Variants in KDM6A observed in about 807,000 individuals in gnomAD.
The protein encoded by KDM6A is lysine-specific demethylase 6A.
A neutral mutation model predicts 117.6 loss-of-function variants in KDM6A; 11 were observed. That is an observed-to-expected ratio of 0.09 (90% confidence interval 0.06 to 0.15). The LOEUF is 0.15. KDM6A is among the 10% of genes least tolerant of loss of function. The probability of loss-of-function intolerance (pLI) is 1.00; values close to 1 mark genes in which losing one functional copy is unlikely to be tolerated. For missense variants in KDM6A, 799 were observed against 1,077.3 expected, an observed-to-expected ratio of 0.74 and a Z score of 3.62; for synonymous variants, 384 against 396.1, an observed-to-expected ratio of 0.97 and a Z score of 0.36.
chrX:45,062,292 G>A (rs1404359246), intron 15 of KDM6A, among the ~76,000 whole-genome samples: 3 of 111,838 alleles, frequency 2.7e-5, no homozygotes, highest in Non-Finnish European at 5.6e-5. Flanking sequence ...GTTGTCTTCA[G>A]ACTTTGCTTA....
intron 8 of KDM6A, among the ~76,000 whole-genome samples, chrX:45,040,757 T>C (rs1412918799): frequency 3.4e-5 from 2 of 58,491 alleles, no homozygotes; most frequent in African/African-American, 1.5e-4. Flanking sequence ...ATGGGGCGGC[T>C]GGCCGGGCGG....
intron 24 of KDM6A, among the ~76,000 whole-genome samples, chrX:45,083,863 T>C (rs2148157401): frequency 9.0e-6 from 1 of 111,705 alleles, no homozygotes; most frequent in Admixed American, 9.5e-5. Context: ...ATAAGTTCTT[T>C]TGGCCTGAAG....
chrX:44,885,740 C>T (rs1051903162), intron 2 of KDM6A, among the ~76,000 whole-genome samples: 3 of 109,536 alleles, frequency 2.7e-5, no homozygotes, highest in Admixed American at 9.8e-5. Context: ...GGCATGGTGG[C>T]GGGCGCCTGT....
chrX:45,066,203 G>A (rs183339285), intron 17 of KDM6A, among the ~76,000 whole-genome samples: 80 of 112,015 alleles, frequency 7.1e-4, no homozygotes, highest in African/African-American at 2.6e-3. Flanking sequence ...GGGTGCAAAA[G>A]CCTAATTGTA....
chrX:44,969,162 A>T, intron 3 of KDM6A, among the ~76,000 whole-genome samples: 1 of 110,577 alleles, frequency 9.0e-6, no homozygotes. Context: ...GTTTCTTCAT[A>T]TTTTTGAGCT....
chrX:44,976,478 G>A (rs1391973749), intron 4 of KDM6A, among the ~76,000 whole-genome samples: 2 of 111,122 alleles, frequency 1.8e-5, no homozygotes, highest in African/African-American at 6.5e-5. Flanking sequence ...AAATGATAAA[G>A]TATTTGTATA....
chrX:45,013,154 T>A (rs2041836994), intron 5 of KDM6A, among the ~76,000 whole-genome samples: 1 of 111,704 alleles, frequency 9.0e-6, no homozygotes, highest in South Asian at 3.8e-4. Context: ...TGTGTGTTAG[T>A]CAGTATTACA....
At chrX:44,981,433 C>A (rs984452787) in intron 4 of KDM6A, among the ~76,000 whole-genome samples, 1 of 111,715 alleles carries the variant, frequency 9.0e-6, no homozygotes, top group African/African-American at 3.3e-5. Context: ...TGGCATGGAG[C>A]CTCCATGCCC....
chrX:44,971,609 A>G (rs970661691), intron 3 of KDM6A, among the ~76,000 whole-genome samples: 3 of 111,310 alleles, frequency 2.7e-5, no homozygotes, highest in African/African-American at 9.8e-5. Flanking sequence ...AAGTCAGGCG[A>G]GTAAGTTTAT....
chrX:45,075,426 T>G (rs1309928631), intron 18 of KDM6A, among the ~76,000 whole-genome samples: 1 of 111,884 alleles, frequency 8.9e-6, no homozygotes, highest in African/African-American at 3.2e-5. Context: ...GACAGAAAAT[T>G]TATTCAACCT....
intron 27 of KDM6A, among the ~76,000 whole-genome samples, chrX:45,105,085 CTG>C (rs1444210286): frequency 9.0e-6 from 1 of 111,591 alleles, no homozygotes; most frequent in Non-Finnish European, 1.9e-5. Flanking sequence ...TTTGGAAAAA[CTG>C]TGCTTCCTGA....
At chrX:45,087,503 T>C (rs1386647986) in intron 25 of KDM6A, among the ~76,000 whole-genome samples, 2 of 112,768 alleles carry the variant, frequency 1.8e-5, no homozygotes, top group Admixed American at 1.9e-4. Flanking sequence ...GTTTTAAAGC[T>C]TCTAATGTAC....
rs113521001 is a variant in KDM6A at position 45,067,888 on chromosome X, G to A, written c.2080-1691G>A. ...GCTGGTCTTGAACTTCTGACCTTAGGTGATCTGCCTGCCTTGGCCTCCCAA... is the reference window on the plus strand; with the variant it reads ...GCTGGTCTTGAACTTCTGACCTTAGATGATCTGCCTGCCTTGGCCTCCCAA... On this transcript the variant is annotated intron_variant, in intron 17 of 29. Coordinates refer to ENST00000611820, the MANE Select transcript of KDM6A (RefSeq NM_001291415.2). Among the ~76,000 whole-genome samples the A allele has an allele frequency of 8.3e-3, 924 of 110,665 alleles. 15 individuals are homozygous for A. Among genetic ancestry groups the A allele is most frequent in the African/African-American group, 0.029 (887 of 30,323 alleles).
intron 24 of KDM6A, among the ~76,000 whole-genome samples, chrX:45,084,385 A>G (rs1242083661): frequency 8.9e-6 from 1 of 111,928 alleles, no homozygotes; most frequent in Non-Finnish European, 1.9e-5. Context: ...ATTAGAAGAG[A>G]TACTGTTGAT....
chrX:45,001,354 A>G (rs901796871), intron 4 of KDM6A, among the ~76,000 whole-genome samples: 2 of 111,824 alleles, frequency 1.8e-5, no homozygotes, highest in African/African-American at 6.5e-5. Context: ...AGGAAATTAC[A>G]AAAACCGGTT....
In KDM6A at chrX:45,097,177, A is replaced by G. The variant is rs1367841353; in HGVS notation, c.4034+6313A>G. ...AAATTATGAGACCACATGGACGCATAGAGGGGAACAACAGACACTGGGACC... is the reference window on the plus strand; with the variant it reads ...AAATTATGAGACCACATGGACGCATGGAGGGGAACAACAGACACTGGGACC... On this transcript the variant is annotated intron_variant, in intron 27 of 29. Transcript: ENST00000611820. Among the ~76,000 whole-genome samples the G allele has an allele frequency of 5.4e-5, 6 of 110,584 alleles. No homozygotes were observed. The Admixed American group carries it at 5.8e-4, about 11-fold the overall frequency.
intron 6 of KDM6A, among the ~76,000 whole-genome samples, chrX:45,030,303 C>A (rs773944676): frequency 1.5e-5 from 1 of 68,750 alleles, no homozygotes; most frequent in Non-Finnish European, 2.5e-5. Flanking sequence ...ACCCCCCACC[C>A]CTTTTTTTTG....
chrX:44,960,473 T>G (rs1439587894), intron 2 of KDM6A, among the ~76,000 whole-genome samples: 5 of 111,420 alleles, frequency 4.5e-5, no homozygotes, highest in African/African-American at 1.6e-4. Flanking sequence ...GTTTTCTAGT[T>G]TTAATCCTTT....
chrX:45,090,322 C>G (rs952324987), intron 26 of KDM6A, among the ~76,000 whole-genome samples: 14 of 112,223 alleles, frequency 1.2e-4, no homozygotes, highest in African/African-American at 4.5e-4. Context: ...TCAGGCAGTA[C>G]TCACTTAAGG....
Sources: gnomAD v4.1 joint callset for allele counts (sites outside exome capture counted in the v4.1 genomes callset) on GRCh38, gnomAD v4.1.1 for gene constraint, MANE v1.5 for transcripts, NCBI Gene and HGNC (gene_info 2026-07-23, HGNC 2026-07-21) for gene names.